Variants in CDH5 observed in about 807,000 individuals in gnomAD.
The protein encoded by CDH5 is cadherin 5, also known as cadherin-5.
A neutral mutation model predicts 62.0 loss-of-function variants in CDH5; 28 were observed. The ratio of observed to expected loss-of-function variants is 0.45; its 90% CI spans 0.33 to 0.62. CDH5 has a LOEUF of 0.62. Among genes scored for constraint, CDH5 ranks in the 20% least tolerant of loss-of-function variants. CDH5 has a pLI of 0.02. For synonymous variants in CDH5, 464 were observed against 445.8 expected, an observed-to-expected ratio of 1.04 and a Z score of -0.52; for missense variants, 940 against 1,065.1, an observed-to-expected ratio of 0.88 and a Z score of 1.63.
Position 66,400,901 on chromosome 16 carries a change from C to T in CDH5, c.1722C>T (p.Ala574=), listed in dbSNP as rs1475319680. The part of the protein sequence containing the change: ...SRTGTSTLTV[A]VCKCNEQGEF... ...CGGGCACCAGCACGCTGACCGTGGC[C>T]GTGTGCAAGTGCAACGAGCAGGGCG... The change falls in exon 11 of 12, where the codon GCC becomes GCT. Residue 574 remains alanine (A), a synonymous_variant. Coordinates refer to ENST00000341529, the MANE Select transcript of CDH5 (RefSeq NM_001795.5). The T allele has an allele frequency of 5.0e-6, 8 of 1,614,056 alleles. No individual in the cohort carries two copies. The African/African-American group carries it at 5.3e-5, about 11-fold the overall frequency.
chr16:66,390,419 C>G lies in CDH5; in HGVS notation c.798C>G (p.Val266=), dbSNP rs140545178. Residue 266 remains valine (V), a synonymous_variant, in exon 6 of 12, where the codon GTC becomes GTG. Coordinates refer to ENST00000341529, the MANE Select transcript of CDH5 (RefSeq NM_001795.5). ...TTGCATCAGCCAAGTACACATTTGT[C>G]GTGCCTGAAGACACCCGTGTGGGCA... ...PFFTQTKYTF[V]VPEDTRVGTS... is the part of the protein sequence containing the mutation. 3.7e-6 allele frequency: 6 copies of G among 1,613,280 alleles called. No individual in the cohort carries two copies. The highest frequency in any genetic ancestry group is 5.1e-6 in the Non-Finnish European group (6 of 1,179,610).
chr16:66,384,661 CAAAAAAAAAAA>C (rs10630303), intron 2 of CDH5, among the ~76,000 whole-genome samples: 1 of 101,600 alleles, frequency 9.8e-6, no homozygotes, highest in Non-Finnish European at 1.9e-5. Context: ...GTACCTGTCT[CAAAAAAAAAAA>C]AAAAAAAAAG....
chr16:66,396,500 C>G (rs1011655448), intron 8 of CDH5, among the ~76,000 whole-genome samples: 1 of 152,134 alleles, frequency 6.6e-6, no homozygotes, highest in Admixed American at 6.5e-5. Flanking sequence ...GTCTCTGTGA[C>G]GAGAATCACC....
At chr16:66,368,848 C>A (rs1960634330) in intron 1 of CDH5, among the ~76,000 whole-genome samples, 1 of 152,194 alleles carries the variant, frequency 6.6e-6, no homozygotes, top group Non-Finnish European at 1.5e-5. Flanking sequence ...CAGAGGCAGG[C>A]ACAGGGACAA....
At position 66,368,634 on chromosome 16, in the gene CDH5, C is replaced by A. The variant is rs115783586; in HGVS notation, c.-20+1876C>A. ...CTGTTCCCTGTATCCTCTCTCTGCACCCCCTCAGTCACACTGAAGCAACTA... is the reference window on the plus strand; with the variant it reads ...CTGTTCCCTGTATCCTCTCTCTGCAACCCCTCAGTCACACTGAAGCAACTA... On this transcript the variant is annotated intron_variant, in intron 1 of 11. Transcript: ENST00000341529. Among the ~76,000 whole-genome samples, 807 of 152,344 alleles carry A rather than the reference C, an allele frequency of 5.3e-3. 10 individuals carry two copies. The highest frequency in any genetic ancestry group is 0.019 in the African/African-American group (784 of 41,572).
At chr16:66,387,194 G>T (rs1961002004) in intron 3 of CDH5, 97 bp downstream of exon 3, 7 of 1,188,904 alleles carry the variant, frequency 5.9e-6, no homozygotes, top group Non-Finnish European at 8.3e-6. Context: ...TAGGAATCCA[G>T]TGAGTTCAGG....
intron 7 of CDH5, chr16:66,393,037 T>G (rs1843261792): frequency 6.6e-6 from 1 of 152,338 alleles, no homozygotes; most frequent in African/African-American, 2.4e-5. Context: ...TAAATTTCTC[T>G]TTTACAATCT....
chr16:66,377,987 C>G (rs1019820699), intron 1 of CDH5, among the ~76,000 whole-genome samples: 1 of 152,158 alleles, frequency 6.6e-6, no homozygotes, highest in Admixed American at 6.5e-5. Flanking sequence ...AATGTTCTGT[C>G]GCCTTCTTAA....
intron 10 of CDH5, among the ~76,000 whole-genome samples, chr16:66,399,421 T>C (rs1327788279): frequency 2.0e-5 from 3 of 152,184 alleles, no homozygotes; most frequent in East Asian, 1.9e-4. Flanking sequence ...TGGGCAAAAC[T>C]ATGGTGGATG....
At position 66,403,208 on chromosome 16, in the gene CDH5, C is replaced by T. The variant is rs1961330594; in HGVS notation, c.*39C>T. 1 of 1,566,650 alleles carries T rather than the reference C, an allele frequency of 6.4e-7. No individual in the cohort carries two copies. Among genetic ancestry groups the T allele is most frequent in the East Asian group, 2.3e-5 (1 of 43,138 alleles). On this transcript the variant is annotated 3_prime_UTR_variant, in exon 12 of 12. Coordinates refer to ENST00000341529, the MANE Select transcript of CDH5 (RefSeq NM_001795.5). The surrounding 1 kb of genome is among the most constrained non-coding windows in gnomAD (Gnocchi z 4.3). ...CTCTGGGCCTGGGGACCCAAACCCC[C>T]TGCAGCCCAGGCCAGTCAGACGCCA...
At chr16:66,376,935 T>C (rs1168053360) in intron 1 of CDH5, among the ~76,000 whole-genome samples, 2 of 152,134 alleles carry the variant, frequency 1.3e-5, no homozygotes, top group African/African-American at 4.8e-5. Flanking sequence ...CCAGCACCTA[T>C]CTATCAGCTC....
chr16:66,376,351 A>G (rs540985595), intron 1 of CDH5: 53 of 152,326 alleles, frequency 3.5e-4, no homozygotes, highest in Non-Finnish European at 6.6e-4. Flanking sequence ...ATTTTGCAGC[A>G]CATGACTCTA....
At position 66,398,330 on chromosome 16, in the gene CDH5, A is replaced by G. The variant is rs939184571; in HGVS notation, c.1486-126A>G. 7.6e-6 allele frequency: 6 copies of G among 788,860 alleles called. No individual in the cohort carries two copies. The Admixed American group carries it at 1.3e-4, about 16-fold the overall frequency. The allele number at this position is 788,860 out of a possible 1,614,324, so 48.9% of individuals were successfully genotyped here. A position where few individuals can be genotyped will look rare whatever the true frequency, so the allele number is the denominator to read the frequency against. ...AGAATGGCTTTATGAAGAACTAAAT[A>G]GGTGAGTGTTGCAGGTGGGAAACAG... On this transcript the variant is annotated intron_variant, in intron 9 of 11. Transcript: ENST00000341529.
rs371429307 is a variant in CDH5, at chr16:66,390,461, G to C, written c.840G>C (p.Leu280=). Reference sequence around the variant, plus strand: ...GTGTGGGCACCTCTGTGGGCTCTCTGTTTGTTGAGGACCCAGATGAGCCCC... The same window carrying C: ...GTGTGGGCACCTCTGTGGGCTCTCTCTTTGTTGAGGACCCAGATGAGCCCC... ...DTRVGTSVGS[L]FVEDPDEPQN... Residue 280 remains leucine (L), a synonymous_variant, in exon 6 of 12, where the codon CTG becomes CTC. Coordinates refer to ENST00000341529, the MANE Select transcript of CDH5 (RefSeq NM_001795.5). 6.2e-7 allele frequency: 1 copy of C among 1,614,018 alleles called. No homozygotes were observed. The highest frequency in any genetic ancestry group is 1.3e-5 in the African/African-American group (1 of 74,900).
intron 2 of CDH5, among the ~76,000 whole-genome samples, chr16:66,384,363 G>A (rs1241509861): frequency 6.6e-6 from 1 of 151,176 alleles, no homozygotes; most frequent in Non-Finnish European, 1.5e-5. Flanking sequence ...CAAAGTGCTG[G>A]GATTACAGGC....
At position 66,379,329 on chromosome 16, in the gene CDH5, C is replaced by T; in HGVS notation, c.-9C>T. 6.2e-7 allele frequency: 1 copy of T among 1,603,202 alleles called. No individual in the cohort carries two copies. The highest frequency in any genetic ancestry group is 8.5e-7 in the Non-Finnish European group (1 of 1,172,502). On this transcript the variant is annotated 5_prime_UTR_variant, in exon 2 of 12. Transcript: ENST00000341529. ...CTCCTCTTTCCCCAGATCTGTTCCT[C>T]CTGGGAAGATGCAGAGGCTCATGAT...
chr16:66,369,546 G>A (rs1027217651), intron 1 of CDH5, among the ~76,000 whole-genome samples: 1 of 152,120 alleles, frequency 6.6e-6, no homozygotes, highest in African/African-American at 2.4e-5. Flanking sequence ...GGTTCAAATA[G>A]GCAGGTGCAA....
intron 1 of CDH5, among the ~76,000 whole-genome samples, chr16:66,373,327 C>T (rs916728232): frequency 2.0e-5 from 3 of 152,166 alleles, no homozygotes; most frequent in African/African-American, 7.2e-5. Flanking sequence ...ATCTGACTGG[C>T]CCGGTTTCCT....
chr16:66,383,070 C>T (rs776317189), intron 2 of CDH5, among the ~76,000 whole-genome samples: 3 of 152,126 alleles, frequency 2.0e-5, no homozygotes, highest in East Asian at 1.9e-4. Context: ...CTGCAAAATA[C>T]GTGACTCATA....
Sources: allele counts gnomAD v4.1 joint callset (sites outside exome capture counted in the v4.1 genomes callset), GRCh38; gene constraint gnomAD v4.1.1; non-coding constraint Gnocchi (gnomAD v3.1); transcripts MANE v1.5; gene names NCBI Gene and HGNC (gene_info 2026-07-23, HGNC 2026-07-21).